Variants in ANKRD46 observed in about 807,000 individuals in gnomAD.
ANKRD46 encodes the protein ankyrin repeat domain 46.
Under a neutral mutation model 19.8 loss-of-function variants are expected in ANKRD46, and 13 were observed. The observed-to-expected ratio is 0.66, with a 90% CI of 0.43 to 1.04. ANKRD46 has a LOEUF of 1.04. Among genes scored for constraint, ANKRD46 ranks in the 50% least tolerant of loss-of-function variants. The pLI, the probability that ANKRD46 is intolerant of heterozygous loss-of-function variation, is 0.00. For synonymous variants in ANKRD46, 91 were observed against 106.9 expected, an observed-to-expected ratio of 0.85 and a Z score of 0.92; for missense variants, 185 against 274.8, an observed-to-expected ratio of 0.67 and a Z score of 2.31.
At chr8:100,555,722 TAAAAAAAAAAAAAAA>T (rs59521764) in intron 1 of ANKRD46, among the ~76,000 whole-genome samples, 92 of 53,300 alleles carry the variant, frequency 1.7e-3, no homozygotes, top group East Asian at 5.9e-3. Flanking sequence ...TTTCCTCAGC[TAAAAAAAAAAAAAAA>T]AAAAAAAAAA....
chr8:100,533,871 G>C (rs57636952), intron 1 of ANKRD46, among the ~76,000 whole-genome samples: 26,978 of 152,058 alleles, frequency 0.18, 3,216 homozygotes, highest in African/African-American at 0.34. Flanking sequence ...TGAAATAAAA[G>C]CTGGCCCAAG....
At chr8:100,552,436 T>C (rs1283323929) in intron 1 of ANKRD46, among the ~76,000 whole-genome samples, 1 of 152,122 alleles carries the variant, frequency 6.6e-6, no homozygotes, top group African/African-American at 2.4e-5. Context: ...ATTTAATATA[T>C]TATTTTGACT....
Position 100,521,266 on chromosome 8 carries a change from C to A in ANKRD46, c.*1289G>T. ...ATAATTTCTAATTCTAGCAGCAATT[C>A]AATTAGCAATAGCTTAGGTGCCTTT... On this transcript the variant is annotated 3_prime_UTR_variant, in exon 5 of 5. Transcript: ENST00000335659. 2.0e-6 allele frequency: 2 copies of A among 985,236 alleles called. No homozygotes were observed. The highest frequency in any genetic ancestry group is 2.4e-6 in the Non-Finnish European group (2 of 829,894). 61.0% of individuals were successfully genotyped at this position (985,236 alleles called of 1,614,324 possible). A position where few individuals can be genotyped will look rare whatever the true frequency, so the allele number is the denominator to read the frequency against.
rs1811709286 is a variant in ANKRD46 at position 100,520,782 on chromosome 8, T to C, written c.*1773A>G. The C allele has an allele frequency of 1.1e-6, 1 of 937,454 alleles. No individual in the cohort carries two copies. The highest frequency in any genetic ancestry group is 1.3e-6 in the Non-Finnish European group (1 of 791,296). The allele number at this position is 937,454 out of a possible 1,614,324, so 58.1% of individuals were successfully genotyped here. Reference sequence around the variant, plus strand: ...AAAGAGAAATCGTGATTAAGGGATATATAAATACATTTATTGGTGGTATTC... The same window carrying C: ...AAAGAGAAATCGTGATTAAGGGATACATAAATACATTTATTGGTGGTATTC... On this transcript the variant is annotated 3_prime_UTR_variant, in exon 5 of 5. Transcript: ENST00000335659.
chr8:100,529,056 A>G lies in ANKRD46; in HGVS notation c.311+467T>C, dbSNP rs994311004. Among the ~76,000 whole-genome samples the G allele has an allele frequency of 1.3e-5, 2 of 152,256 alleles. No homozygotes were observed. The highest frequency in any genetic ancestry group is 4.8e-5 in the African/African-American group (2 of 41,472). On this transcript the variant is annotated intron_variant, in intron 3 of 4. Transcript: ENST00000335659. The surrounding 1 kb of genome is among the most constrained non-coding windows in gnomAD (Gnocchi z 5.8). Reference sequence around the variant, plus strand: ...GTTAGAGTCAGCGGAACTAGGTTCAAATTCCAGCTCTGTCCCTTATAAGCT... The same window carrying G: ...GTTAGAGTCAGCGGAACTAGGTTCAGATTCCAGCTCTGTCCCTTATAAGCT...
In ANKRD46 at chr8:100,511,651, G is replaced by A. The variant is rs1811549349; in HGVS notation, c.637-1012C>T. Among the ~76,000 whole-genome samples the A allele has an allele frequency of 6.6e-6, 1 of 152,194 alleles. No individual in the cohort carries two copies. On this transcript the variant is annotated intron_variant, in intron 5 of 5. Transcript: ENST00000520552. This position sits in a 1 kb window ranked among gnomAD's most constrained non-coding sequence, Gnocchi z 4.1. ...ACTGTCTGTATTTATTCCATGGCTG[G>A]GAATGTTATTTGAGCAGTTGTAAAC...
chr8:100,519,305 G>C (rs564218299), downstream of ANKRD46, among the ~76,000 whole-genome samples: 1 of 152,140 alleles, frequency 6.6e-6, no homozygotes, highest in East Asian at 1.9e-4. Flanking sequence ...CAGGAAAGAC[G>C]GTCTCTTCTC....
At chr8:100,549,464 AATTGAGAATTCTGATTTC>A (rs1252144292) in intron 1 of ANKRD46, among the ~76,000 whole-genome samples, 1 of 152,228 alleles carries the variant, frequency 6.6e-6, no homozygotes, top group Non-Finnish European at 1.5e-5. Flanking sequence ...ATCACCAAAA[AATTGAGAATTCTGATTTC>A]TTCAAAAGCA....
At chr8:100,523,914 G>C (rs780315681) in intron 4 of ANKRD46, among the ~76,000 whole-genome samples, 1 of 152,188 alleles carries the variant, frequency 6.6e-6, no homozygotes, top group Admixed American at 6.5e-5. Context: ...AAAGTGCTGG[G>C]ATTACAGGCA....
At chr8:100,513,121 G>A (rs529195701) in intron 5 of ANKRD46, among the ~76,000 whole-genome samples, 66 of 152,328 alleles carry the variant, frequency 4.3e-4, no homozygotes, top group African/African-American at 1.6e-3. Context: ...GAGATAGTAT[G>A]TAGATGAGTT....
At chr8:100,553,415 C>T (rs949564643) in intron 1 of ANKRD46, among the ~76,000 whole-genome samples, 3 of 152,200 alleles carry the variant, frequency 2.0e-5, no homozygotes, top group African/African-American at 7.2e-5. Context: ...CCTATATAAA[C>T]TGTTTCAACA....
At chr8:100,535,012 C>T (rs1418964308) in intron 1 of ANKRD46, among the ~76,000 whole-genome samples, 1 of 152,220 alleles carries the variant, frequency 6.6e-6, no homozygotes, top group East Asian at 1.9e-4. Flanking sequence ...GGTGATCCAC[C>T]CACCTTGGCC....
At chr8:100,522,864 TACACACACACAC>T (rs199938933) in intron 4 of ANKRD46, 93 bp from the exon 5 acceptor site, 15 of 594,264 alleles carry the variant, frequency 2.5e-5, no homozygotes, top group South Asian at 9.7e-5. Context: ...AAAGACCAAA[TACACACACACAC>T]ACACACACAC....
chr8:100,514,314 T>G (rs2130627040), intron 5 of ANKRD46, among the ~76,000 whole-genome samples: 1 of 152,282 alleles, frequency 6.6e-6, no homozygotes, highest in Middle Eastern at 3.4e-3. Context: ...GATGTATCTA[T>G]CCATAAAATA....
Position 100,522,746 on chromosome 8 carries a change from T to TGAG in ANKRD46, c.493_495dup (p.Leu165dup), listed in dbSNP as rs762285453. On this transcript the variant is annotated inframe_insertion, in exon 5 of 5. Transcript: ENST00000335659. Reference sequence around the variant, plus strand: ...CCTTCACCTTGCTGCAGGTTGGGATTGAGGAGTGAATGGCTTTCCATGGCA... The same window carrying TGAG: ...CCTTCACCTTGCTGCAGGTTGGGATTGAGGAGGAGTGAATGGCTTTCCATGGCA... 6.2e-7 allele frequency: 1 copy of TGAG among 1,613,828 alleles called. No homozygotes were observed. Among genetic ancestry groups the TGAG allele is most frequent in the Admixed American group, 1.7e-5 (1 of 59,952 alleles).
At chr8:100,558,707 C>T (rs537200791) in intron 1 of ANKRD46, among the ~76,000 whole-genome samples, 1 of 152,200 alleles carries the variant, frequency 6.6e-6, no homozygotes, top group African/African-American at 2.4e-5. Context: ...AGATAACAGA[C>T]GCAGGGATAC....
rs59661475 is a variant in ANKRD46, at chr8:100,536,284, G to C, written c.-130-2973C>G. ...TGCTTGGAGAGGTGGGAAAAGTAGC[G>C]GGGAGAGATATGTGATAGTCTGACT... On this transcript the variant is annotated intron_variant, in intron 1 of 4. Transcript: ENST00000335659. The surrounding 1 kb of genome is among the most constrained non-coding windows in gnomAD (Gnocchi z 4.9). Among the ~76,000 whole-genome samples the C allele has an allele frequency of 8.1e-4, 123 of 152,156 alleles. 3 individuals are homozygous for C. In the East Asian group the frequency reaches 0.022, roughly 28 times the overall value.
chr8:100,550,744 G>C lies in ANKRD46; in HGVS notation c.-131+8967C>G. 1 of 425,744 alleles carries C rather than the reference G, an allele frequency of 2.3e-6. No individual in the cohort carries two copies. Among genetic ancestry groups the C allele is most frequent in the Non-Finnish European group, 4.6e-6 (1 of 219,016 alleles). 26.4% of individuals were successfully genotyped at this position (425,744 alleles called of 1,614,324 possible). A position where few individuals can be genotyped will look rare whatever the true frequency, so the allele number is the denominator to read the frequency against. On this transcript the variant is annotated intron_variant, in intron 1 of 4. Transcript: ENST00000335659. This position sits in a 1 kb window ranked among gnomAD's most constrained non-coding sequence, Gnocchi z 4.4. ...CAGTCTTACTCCTTGGAGGCCATAT[G>C]GGCCACCACCCTGTTGCTGTAGCCA... is the stretch of plus-strand genomic sequence containing the variant.
Position 100,510,620 on chromosome 8 carries a change from C to T in ANKRD46, c.656G>A (p.Gly219Glu), listed in dbSNP as rs1489061915. 2 of 1,535,378 alleles carry T rather than the reference C, an allele frequency of 1.3e-6. No individual in the cohort carries two copies. Among genetic ancestry groups the T allele is most frequent in the Admixed American group, 3.9e-5 (2 of 50,972 alleles). ...GCTTCTGTCTTGCCTTGCAAAGCTT[C>T]CAAGCCTCAGTGTCCTTCTCTGTAA... The change falls in exon 6 of 6, where the codon GGA becomes GAA. Residue 219 changes from glycine (G) to glutamate (E), a missense_variant. Coordinates refer to the ANKRD46 transcript ENST00000520552. This position sits in a 1 kb window ranked among gnomAD's most constrained non-coding sequence, Gnocchi z 4.9.
Sources: allele counts gnomAD v4.1 joint callset (sites outside exome capture counted in the v4.1 genomes callset), GRCh38; gene constraint gnomAD v4.1.1; non-coding constraint Gnocchi (gnomAD v3.1); transcripts MANE v1.5; gene names NCBI Gene and HGNC (gene_info 2026-07-23, HGNC 2026-07-21).